UNC93A: variants seen among roughly 807,000 people sequenced by gnomAD.
UNC93A encodes unc-93 homolog A.
UNC93A carries 43 observed loss-of-function variants against 47.5 expected under a neutral mutation model. The ratio of observed to expected loss-of-function variants is 0.91; its 90% CI spans 0.71 to 1.17. The LOEUF (loss-of-function observed/expected upper bound fraction) is 1.17, where lower values mean the gene tolerates loss of function less well. UNC93A is among the 50% of genes most tolerant of loss of function. The pLI is 0.00. For synonymous variants in UNC93A, 280 were observed against 258.0 expected (o/e 1.09, Z -0.82); for missense variants, 605 against 577.6 (o/e 1.05, Z -0.49).
chr6:167,300,531 T>C (rs1562353963), intron 4 of UNC93A, among the ~76,000 whole-genome samples: 1 of 152,134 alleles, frequency 6.6e-6, no homozygotes, highest in Non-Finnish European at 1.5e-5. Context: ...GCGAGCAACC[T>C]GGGGAGGGTG....
upstream of UNC93A, chr6:167,271,107 A>G (rs930703354): frequency 2.6e-5 from 4 of 152,400 alleles, no homozygotes; most frequent in African/African-American, 9.6e-5. Context: ...AAGGGAGGGA[A>G]TTGCGATTCT....
chr6:167,285,302 G>C (rs1167280330), intron 1 of UNC93A, among the ~76,000 whole-genome samples: 1 of 152,016 alleles, frequency 6.6e-6, no homozygotes, highest in Admixed American at 6.6e-5. Flanking sequence ...TGCAGAATTC[G>C]GGAAATACTT....
chr6:167,269,444 T>G (rs1221326369), upstream of UNC93A, among the ~76,000 whole-genome samples: 1 of 152,154 alleles, frequency 6.6e-6, no homozygotes, highest in African/African-American at 2.4e-5. Flanking sequence ...GCATTTGAAA[T>G]TGGCATTGCA....
chr6:167,273,000 G>T (rs1240191017), intron 1 of UNC93A, among the ~76,000 whole-genome samples: 1 of 145,378 alleles, frequency 6.9e-6, no homozygotes, highest in East Asian at 2.0e-4. Flanking sequence ...GGTTCATTCA[G>T]ATGGTTGGGG....
At chr6:167,285,706 A>C (rs1202345115) in intron 1 of UNC93A, among the ~76,000 whole-genome samples, 1 of 151,584 alleles carries the variant, frequency 6.6e-6, no homozygotes, top group East Asian at 2.0e-4. Flanking sequence ...GCAGCAGCTC[A>C]ACCAGGAGAA....
intron 4 of UNC93A, among the ~76,000 whole-genome samples, chr6:167,299,548 C>G (rs1778183217): frequency 6.6e-6 from 1 of 152,194 alleles, no homozygotes; most frequent in Non-Finnish European, 1.5e-5. Flanking sequence ...TGACTAGAAG[C>G]TCGCCTTTAG....
At chr6:167,288,794 G>A (rs375172401), upstream of UNC93A, among the ~76,000 whole-genome samples, 463 of 137,302 alleles carry the variant, frequency 3.4e-3, 3 homozygotes, top group African/African-American at 4.7e-3. Context: ...CATGAAGAAC[G>A]CATGGCGCCT....
At chr6:167,293,101 G>T (rs1296040177) in intron 1 of UNC93A, among the ~76,000 whole-genome samples, 2 of 152,160 alleles carry the variant, frequency 1.3e-5, no homozygotes, top group Non-Finnish European at 2.9e-5. Flanking sequence ...GGCAAATGCG[G>T]GCAGACAACC....
At chr6:167,313,469 C>T (rs1387331645) in intron 7 of UNC93A, among the ~76,000 whole-genome samples, 1 of 151,928 alleles carries the variant, frequency 6.6e-6, no homozygotes, top group African/African-American at 2.4e-5. Context: ...CTGAATTGGC[C>T]TTGGACCAAC....
intron 6 of UNC93A, 125 bp downstream of exon 6, chr6:167,306,175 G>A: frequency 3.1e-6 from 4 of 1,296,854 alleles, no homozygotes; most frequent in South Asian, 2.7e-5. Context: ...GTAACGCCCT[G>A]TAAGATGCAT....
At chr6:167,297,702 T>C (rs771173503) in intron 3 of UNC93A, among the ~76,000 whole-genome samples, 14 of 152,174 alleles carry the variant, frequency 9.2e-5, no homozygotes, top group Non-Finnish European at 1.8e-4. Flanking sequence ...CATTCTTCCC[T>C]GAATCTTTGC....
chr6:167,307,681 C>G, intron 6 of UNC93A, 98 bp from the exon 7 acceptor site: 2 of 1,327,760 alleles, frequency 1.5e-6, no homozygotes, highest in African/African-American at 3.6e-5. Context: ...TTCCAGAGGA[C>G]GGTTGAGATG....
At chr6:167,303,641 G>A (rs866840324) in intron 4 of UNC93A, among the ~76,000 whole-genome samples, 2 of 152,076 alleles carry the variant, frequency 1.3e-5, no homozygotes, top group African/African-American at 4.8e-5. Flanking sequence ...GGGTCGCTCC[G>A]GAATTTTTTG....
chr6:167,298,110 G>A (rs1308046492), intron 4 of UNC93A, 40 bp downstream of exon 4: 2 of 1,595,946 alleles, frequency 1.3e-6, no homozygotes, highest in Middle Eastern at 1.7e-4. Flanking sequence ...CCCTAGCAAA[G>A]CAGAGCCAAG....
chr6:167,284,089 G>A (rs1783679874), intron 1 of UNC93A, among the ~76,000 whole-genome samples: 1 of 152,132 alleles, frequency 6.6e-6, no homozygotes, highest in Admixed American at 6.5e-5. Context: ...GAAACCCAGG[G>A]CAAAATGCTC....
At chr6:167,311,028 C>T (rs978994877) in intron 7 of UNC93A, among the ~76,000 whole-genome samples, 1 of 152,194 alleles carries the variant, frequency 6.6e-6, no homozygotes, top group Non-Finnish European at 1.5e-5. Flanking sequence ...AGCACACACA[C>T]AAGGTCTCTG....
chr6:167,304,269 C>A, intron 5 of UNC93A, 136 bp downstream of exon 5: 1 of 870,276 alleles, frequency 1.1e-6, no homozygotes, highest in Non-Finnish European at 1.8e-6. Flanking sequence ...GGGTCCTATG[C>A]TCCCAGTGCT....
At chr6:167,286,536 G>T (rs1016398632), upstream of UNC93A, among the ~76,000 whole-genome samples, 2 of 152,216 alleles carry the variant, frequency 1.3e-5, no homozygotes, top group African/African-American at 4.8e-5. Context: ...GCATTATCTC[G>T]CTTGGGGACA....
intron 1 of UNC93A, among the ~76,000 whole-genome samples, chr6:167,279,513 T>C (rs2115081127): frequency 6.6e-6 from 1 of 152,364 alleles, no homozygotes; most frequent in South Asian, 2.1e-4. Flanking sequence ...TTTACCTTTT[T>C]CTGAAAATTA....
Sources: allele counts gnomAD v4.1 joint callset (sites outside exome capture counted in the v4.1 genomes callset), GRCh38; gene constraint gnomAD v4.1.1; transcripts MANE v1.5; gene names NCBI Gene and HGNC (gene_info 2026-07-23, HGNC 2026-07-21).